The following ASTN2 variants were observed in gnomAD, a reference collection of about 807,000 sequenced individuals.
ASTN2 encodes astrotactin-2.
In ASTN2, 54 loss-of-function variants were observed where a neutral mutation model predicts 139.8. The observed-to-expected ratio is 0.39, with a 90% CI of 0.31 to 0.48. The LOEUF is 0.48. Among genes scored for constraint, ASTN2 ranks in the 20% least tolerant of loss-of-function variants. The pLI, the probability that ASTN2 is intolerant of heterozygous loss-of-function variation, is 0.95. For synonymous variants in ASTN2, 756 were observed against 719.5 expected (o/e 1.05, Z -0.81); for missense variants, 1,565 against 1,725.1 (o/e 0.91, Z 1.64).
Position 116,543,274 on chromosome 9 carries a change from C to CAA in ASTN2, c.3356-55776_3356-55775dup, listed in dbSNP as rs35600712. Among the ~76,000 whole-genome samples the CAA allele has an allele frequency of 6.1e-3, 880 of 145,150 alleles. 5 individuals are homozygous for CAA. The highest frequency in any genetic ancestry group is 0.015 in the African/African-American group (607 of 39,468). Reference sequence around the variant, plus strand: ...CAAAACCCTATCTGTATGAAAACTACAAAAAAAAAAAAATTAGCTGGGCAT... The same window carrying CAA: ...CAAAACCCTATCTGTATGAAAACTACAAAAAAAAAAAAAAATTAGCTGGGCAT... On this transcript the variant is annotated intron_variant, in intron 19 of 22. Coordinates refer to ENST00000313400, the MANE Select transcript of ASTN2 (RefSeq NM_001365068.1).
chr9:116,514,629 T>A (rs1247727455), intron 19 of ASTN2, among the ~76,000 whole-genome samples: 2 of 152,186 alleles, frequency 1.3e-5, no homozygotes, highest in African/African-American at 4.8e-5. Flanking sequence ...CAGGCAGGCC[T>A]CCTTGAGCTG....
chr9:117,318,536 G>C (rs930518628), intron 1 of ASTN2, among the ~76,000 whole-genome samples: 4 of 152,226 alleles, frequency 2.6e-5, no homozygotes, highest in African/African-American at 9.6e-5. Flanking sequence ...TCTGGTACCA[G>C]GGAGGCCAGG....
At chr9:116,430,075 T>C (rs1361550510) in intron 22 of ASTN2, among the ~76,000 whole-genome samples, 1 of 152,190 alleles carries the variant, frequency 6.6e-6, no homozygotes, top group Non-Finnish European at 1.5e-5. Flanking sequence ...CAAGCCATGA[T>C]GTAGTATTTG....
intron 1 of ASTN2, among the ~76,000 whole-genome samples, chr9:117,380,597 CA>C (rs1199618121): frequency 0.13 from 12,098 of 92,586 alleles, 633 homozygotes; most frequent in Non-Finnish European, 0.17. Context: ...GAGCAAGACT[CA>C]AAAAAAAAAA....
At chr9:116,919,922 C>G (rs1834553029) in intron 10 of ASTN2, among the ~76,000 whole-genome samples, 1 of 141,054 alleles carries the variant, frequency 7.1e-6, no homozygotes, top group African/African-American at 2.7e-5. Flanking sequence ...GCCTGGGTGA[C>G]AGAGCGAGAA....
rs192177354 is a variant in ASTN2 at position 116,550,719 on chromosome 9, C to T, written c.3356-63219G>A. 7.7e-4 allele frequency among the ~76,000 whole-genome samples: 117 copies of T among 152,306 alleles called. 1 individual carries two copies. Among genetic ancestry groups the T allele is most frequent in the Non-Finnish European group, 1.4e-3 (96 of 68,024 alleles). On this transcript the variant is annotated intron_variant, in intron 19 of 22. Coordinates refer to ENST00000313400, the MANE Select transcript of ASTN2 (RefSeq NM_001365068.1). ...AAAACTCATTCCCTCCTCCTAATAT[C>T]CCTGAGAGATAGGCAGGAATTCCTG... is the stretch of plus-strand genomic sequence containing the variant.
At chr9:116,505,953 C>T (rs190230396) in intron 19 of ASTN2, among the ~76,000 whole-genome samples, 1 of 152,294 alleles carries the variant, frequency 6.6e-6, no homozygotes, top group East Asian at 1.9e-4. Context: ...GAGGTTTGTC[C>T]TGATCACTGT....
At chr9:116,850,428 A>G (rs1832568738) in intron 11 of ASTN2, among the ~76,000 whole-genome samples, 9 of 152,172 alleles carry the variant, frequency 5.9e-5, no homozygotes, top group Admixed American at 5.9e-4. Context: ...GCCAGACCCC[A>G]GAACCAGTGC....
chr9:117,064,171 T>C lies in ASTN2; in HGVS notation c.1277-24206A>G, dbSNP rs543206600. 3.3e-5 allele frequency among the ~76,000 whole-genome samples: 5 copies of C among 152,052 alleles called. No homozygotes were observed. The East Asian group carries it at 5.9e-4, about 18-fold the overall frequency. ...AAGGTGTTTTACAAGCAGAAGATCATGTTAAATCAAATCAAATACCAATTA... is the reference window on the plus strand; with the variant it reads ...AAGGTGTTTTACAAGCAGAAGATCACGTTAAATCAAATCAAATACCAATTA... On this transcript the variant is annotated intron_variant, in intron 5 of 22. Coordinates refer to ENST00000313400, the MANE Select transcript of ASTN2 (RefSeq NM_001365068.1).
chr9:117,107,576 A>G (rs1045103886), intron 4 of ASTN2, among the ~76,000 whole-genome samples: 1 of 152,168 alleles, frequency 6.6e-6, no homozygotes, highest in Non-Finnish European at 1.5e-5. Context: ...ATTTTCTCAC[A>G]TTCTTTTTGC....
intron 19 of ASTN2, among the ~76,000 whole-genome samples, chr9:116,574,472 T>C (rs1168694008): frequency 1.3e-5 from 2 of 152,202 alleles, no homozygotes; most frequent in East Asian, 3.9e-4. Context: ...AATTGTGTTC[T>C]AAGCCCTGAG....
intron 1 of ASTN2, among the ~76,000 whole-genome samples, chr9:117,388,356 C>T (rs569684065): frequency 6.6e-6 from 1 of 152,234 alleles, no homozygotes; most frequent in South Asian, 2.1e-4. Flanking sequence ...ATATATCAGG[C>T]CACCCTGGGC....
At chr9:116,960,498 T>C (rs1310864791) in intron 10 of ASTN2, among the ~76,000 whole-genome samples, 1 of 151,170 alleles carries the variant, frequency 6.6e-6, no homozygotes, top group East Asian at 2.0e-4. Flanking sequence ...ATCCATTCAA[T>C]AGGACTAATA....
chr9:117,266,626 T>C (rs1311854841), intron 2 of ASTN2, among the ~76,000 whole-genome samples: 3 of 152,190 alleles, frequency 2.0e-5, no homozygotes, highest in Non-Finnish European at 2.9e-5. Flanking sequence ...GTCTACCACC[T>C]GCAAAAAAAT....
chr9:116,502,418 C>A (rs1034691244), intron 19 of ASTN2, among the ~76,000 whole-genome samples: 3 of 151,452 alleles, frequency 2.0e-5, no homozygotes, highest in Non-Finnish European at 4.4e-5. Context: ...CTGAGAGCCA[C>A]AGTGAGAGAC....
chr9:116,963,486 A>G (rs1328000477), intron 10 of ASTN2, among the ~76,000 whole-genome samples: 2 of 152,128 alleles, frequency 1.3e-5, no homozygotes, highest in African/African-American at 2.4e-5. Context: ...GGAGGGCTCT[A>G]AATGGTTTTA....
At chr9:116,872,351 A>T (rs114421495) in intron 10 of ASTN2, among the ~76,000 whole-genome samples, 2 of 152,334 alleles carry the variant, frequency 1.3e-5, no homozygotes, top group African/African-American at 4.8e-5. Context: ...GTAAGTGCCT[A>T]ACAGCTGGTA....
intron 1 of ASTN2, among the ~76,000 whole-genome samples, chr9:117,363,767 G>T (rs1829757769): frequency 6.6e-6 from 1 of 152,174 alleles, no homozygotes; most frequent in African/African-American, 2.4e-5. Flanking sequence ...ATGTAGAGAG[G>T]TGGGACAGGT....
intron 19 of ASTN2, among the ~76,000 whole-genome samples, chr9:116,614,294 T>C (rs970497256): frequency 6.6e-6 from 1 of 152,224 alleles, no homozygotes. Flanking sequence ...ATTGCCATGC[T>C]GCCAAAGATA....
Sources: allele counts gnomAD v4.1 joint callset (sites outside exome capture counted in the v4.1 genomes callset), GRCh38; gene constraint gnomAD v4.1.1; transcripts MANE v1.5; gene names NCBI Gene and HGNC (gene_info 2026-07-23, HGNC 2026-07-21).